The following JARID2 variants were observed in gnomAD, a reference collection of about 807,000 sequenced individuals.
The protein encoded by JARID2 is protein Jumonji.
A neutral mutation model predicts 125.6 loss-of-function variants in JARID2; 21 were observed. The observed-to-expected ratio is 0.17, with a 90% confidence interval of 0.12 to 0.24. JARID2 has a LOEUF of 0.24. Among genes scored for constraint, JARID2 ranks in the 10% least tolerant of loss-of-function variants. The pLI, the probability that JARID2 is intolerant of heterozygous loss-of-function variation, is 1.00. For synonymous variants in JARID2, 736 were observed against 661.6 expected (o/e 1.11, Z -1.73); for missense variants, 1,303 against 1,639.6 (o/e 0.79, Z 3.55).
intron 15 of JARID2, 55 bp downstream of exon 15, chr6:15,513,100 G>T: frequency 1.9e-6 from 3 of 1,610,208 alleles, no homozygotes; most frequent in Non-Finnish European, 2.5e-6. Context: ...CCCTTCGGGG[G>T]CTCACCCCCC....
chr6:15,512,623 C>G (rs1010711000), intron 14 of JARID2, among the ~76,000 whole-genome samples: 2 of 152,152 alleles, frequency 1.3e-5, no homozygotes, highest in African/African-American at 4.8e-5. Flanking sequence ...ACAGACCCCT[C>G]CAGTATTGGA....
chr6:15,436,231 G>A (rs934987304), intron 3 of JARID2, among the ~76,000 whole-genome samples: 4 of 152,128 alleles, frequency 2.6e-5, no homozygotes, highest in African/African-American at 9.7e-5. Context: ...CAGAAGAATC[G>A]GATCACACGT....
rs575016679 is a variant in JARID2, at chr6:15,404,679, A to G, written c.182-5545A>G. Among the ~76,000 whole-genome samples, 49 of 152,356 alleles carry G rather than the reference A, an allele frequency of 3.2e-4. 1 individual carries two copies. The South Asian group carries it at 9.3e-3, about 29-fold the overall frequency. On this transcript the variant is annotated intron_variant, in intron 2 of 17. Coordinates refer to ENST00000341776, the MANE Select transcript of JARID2 (RefSeq NM_004973.4). Reference sequence around the variant, plus strand: ...CAGGGTGACAGACGGCATTGGCTCTATAATACAGAATTACCTTTTGTGCAT... The same window carrying G: ...CAGGGTGACAGACGGCATTGGCTCTGTAATACAGAATTACCTTTTGTGCAT...
rs1341642819 is a variant in JARID2 at position 15,300,714 on chromosome 6, TGTGTGTGTGA to T, written c.45+54132_45+54141del. The stretch of plus-strand genomic sequence containing the variant: ...GTGTGTGTGTGTGTGTGTGTGTGTG[TGTGTGTGTGA>T]GAGAGAGAGAGAGAGAGAGAGAGAG... On this transcript the variant is annotated intron_variant, in intron 1 of 17. Transcript: ENST00000341776. Among the ~76,000 whole-genome samples, 246 of 140,028 alleles carry T rather than the reference TGTGTGTGTGA, an allele frequency of 1.8e-3. 2 individuals are homozygous for T. The highest frequency in any genetic ancestry group is 1.6e-3 in the East Asian group (8 of 4,970). The allele number at this position is 140,028 out of a possible 152,430, so 91.9% of individuals were successfully genotyped here. A position where few individuals can be genotyped will look rare whatever the true frequency, so the allele number is the denominator to read the frequency against.
At chr6:15,311,247 G>A (rs1379434438) in intron 1 of JARID2, among the ~76,000 whole-genome samples, 1 of 151,960 alleles carries the variant, frequency 6.6e-6, no homozygotes, top group Admixed American at 6.6e-5. Context: ...CCAGTCTTGG[G>A]CATGGTGAGT....
At chr6:15,504,352 C>G (rs1770892342) in intron 8 of JARID2, 148 bp from the exon 9 acceptor site, 2 of 615,702 alleles carry the variant, frequency 3.2e-6, no homozygotes, top group African/African-American at 3.7e-5. Context: ...ATATTTCTTC[C>G]TTCTCTGCCT....
At chr6:15,495,006 T>G (rs1466965614) in intron 6 of JARID2, among the ~76,000 whole-genome samples, 2 of 152,166 alleles carry the variant, frequency 1.3e-5, no homozygotes, top group Non-Finnish European at 2.9e-5. Context: ...GCTTCTTCCT[T>G]TGGAGATGGT....
intron 1 of JARID2, among the ~76,000 whole-genome samples, chr6:15,372,144 G>C (rs1395836455): frequency 6.6e-6 from 1 of 152,184 alleles, no homozygotes; most frequent in Non-Finnish European, 1.5e-5. Flanking sequence ...AGGAACGTAA[G>C]TGCTGGAGGA....
intron 1 of JARID2, among the ~76,000 whole-genome samples, chr6:15,317,018 T>C (rs1314013965): frequency 6.6e-6 from 1 of 152,072 alleles, no homozygotes; most frequent in African/African-American, 2.4e-5. Flanking sequence ...ACTTTTGGTC[T>C]AGAATGAATC....
chr6:15,412,692 G>C lies in JARID2; in HGVS notation c.323+2327G>C, dbSNP rs144199700. On this transcript the variant is annotated intron_variant, in intron 3 of 17. Coordinates refer to ENST00000341776, the MANE Select transcript of JARID2 (RefSeq NM_004973.4). The stretch of plus-strand genomic sequence containing the variant: ...AAGAACTCCTTTGTTTTGATCCTTC[G>C]TCAGTATTTAGTGGGTTGGGTATGA... Among the ~76,000 whole-genome samples the C allele has an allele frequency of 2.3e-3, 354 of 152,246 alleles. 2 individuals are homozygous for C. The highest frequency in any genetic ancestry group is 8.0e-3 in the African/African-American group (333 of 41,526).
chr6:15,509,834 A>G (rs1240624538), intron 12 of JARID2, among the ~76,000 whole-genome samples: 1 of 152,066 alleles, frequency 6.6e-6, no homozygotes, highest in Non-Finnish European at 1.5e-5. Context: ...CTTTTTGAAG[A>G]CTCACTCCTG....
intron 12 of JARID2, among the ~76,000 whole-genome samples, chr6:15,510,488 T>G (rs528982455): frequency 3.9e-5 from 6 of 152,154 alleles, no homozygotes; most frequent in Admixed American, 2.0e-4. Flanking sequence ...GTAGGTTACT[T>G]TCTACCTGTA....
intron 8 of JARID2, among the ~76,000 whole-genome samples, chr6:15,502,801 GCTGC>G (rs1770805821): frequency 6.6e-6 from 1 of 152,178 alleles, no homozygotes; most frequent in Admixed American, 6.5e-5. Flanking sequence ...ATTGCCCAAG[GCTGC>G]CTGGTGGGGA....
At chr6:15,295,135 T>C (rs1231172508) in intron 1 of JARID2, among the ~76,000 whole-genome samples, 1 of 149,250 alleles carries the variant, frequency 6.7e-6, no homozygotes, top group Non-Finnish European at 1.5e-5. Flanking sequence ...TTTTTTTTTT[T>C]TTTTGAGACG....
intron 2 of JARID2, among the ~76,000 whole-genome samples, chr6:15,381,475 C>T (rs190217982): frequency 1.3e-5 from 2 of 152,102 alleles, no homozygotes; most frequent in Non-Finnish European, 2.9e-5. Context: ...ACTCCTGTGT[C>T]CTGGCCTCCA....
intron 3 of JARID2, among the ~76,000 whole-genome samples, chr6:15,438,503 C>G (rs1302218572): frequency 6.6e-6 from 1 of 152,226 alleles, no homozygotes; most frequent in Non-Finnish European, 1.5e-5. Flanking sequence ...CATGATTCCT[C>G]TGCACGTCAT....
chr6:15,481,440 A>G (rs1364847197), intron 5 of JARID2, among the ~76,000 whole-genome samples: 1 of 152,086 alleles, frequency 6.6e-6, no homozygotes, highest in African/African-American at 2.4e-5. Flanking sequence ...ACAGGGTTTA[A>G]TCTTTCCCTG....
At chr6:15,498,346 T>G (rs1049537840) in intron 7 of JARID2, among the ~76,000 whole-genome samples, 1 of 152,232 alleles carries the variant, frequency 6.6e-6, no homozygotes, top group Admixed American at 6.5e-5. Context: ...TGGGCTGTCA[T>G]GCAGACCCTT....
Position 15,275,719 on chromosome 6 carries a change from CCT to C in JARID2, c.45+29140_45+29141del, listed in dbSNP as rs1278036203. On this transcript the variant is annotated intron_variant, in intron 1 of 17. Transcript: ENST00000341776. The stretch of plus-strand genomic sequence containing the variant: ...CCCTTTTCTCACCCACTGAACCTTG[CCT>C]CTCTAGTGGGGAAAATTTCATTCCA... Among the ~76,000 whole-genome samples, 6 of 152,152 alleles carry C rather than the reference CCT, an allele frequency of 3.9e-5. No individual in the cohort carries two copies. The East Asian group carries it at 1.2e-3, about 29-fold the overall frequency.
Sources: gnomAD v4.1 joint callset for allele counts (sites outside exome capture counted in the v4.1 genomes callset) on GRCh38, gnomAD v4.1.1 for gene constraint, MANE v1.5 for transcripts, NCBI Gene and HGNC (gene_info 2026-07-23, HGNC 2026-07-21) for gene names.